Variants in GCNT1 observed in about 807,000 individuals in gnomAD.
GCNT1 encodes glucosaminyl (N-acetyl) transferase 1, also known as beta-1,3-galactosyl-O-glycosyl-glycoprotein beta-1,6-N-acetylglucosaminyltransferase.
A neutral mutation model predicts 26.2 loss-of-function variants in GCNT1; 16 were observed. The observed-to-expected ratio is 0.61, with a 90% confidence interval of 0.41 to 0.93. The LOEUF is 0.93. Ranked by LOEUF, GCNT1 falls within the 40% of genes least tolerant of loss-of-function variation. The pLI is 0.00. For missense variants in GCNT1, 477 were observed against 526.7 expected (o/e 0.91, Z 0.92); for synonymous variants, 183 against 190.8 (o/e 0.96, Z 0.34).
chr9:76,471,609 G>T (rs762169592), intron 2 of GCNT1, among the ~76,000 whole-genome samples: 43 of 152,066 alleles, frequency 2.8e-4, no homozygotes, highest in Non-Finnish European at 4.9e-4. Flanking sequence ...AAGAGGCATG[G>T]CTATAAAAAT....
intron 2 of GCNT1, among the ~76,000 whole-genome samples, chr9:76,462,798 T>C (rs1297203818): frequency 1.3e-5 from 2 of 152,212 alleles, no homozygotes; most frequent in African/African-American, 2.4e-5. Context: ...CAATGTGTCC[T>C]GCCAGTTTCT....
chr9:76,481,439 TTGTTAG>T (rs1275723279), intron 2 of GCNT1, among the ~76,000 whole-genome samples: 16 of 151,716 alleles, frequency 1.1e-4, no homozygotes, highest in East Asian at 9.7e-4. Context: ...TCATCAGCTA[TTGTTAG>T]TGTTAGTGAA....
chr9:76,474,842 C>T (rs919551617), intron 2 of GCNT1, among the ~76,000 whole-genome samples: 5 of 152,322 alleles, frequency 3.3e-5, no homozygotes, highest in Middle Eastern at 3.4e-3. Flanking sequence ...GAATAAACAT[C>T]CCCTCTCCAA....
At chr9:76,432,708 G>A (rs1823353600) in intron 1 of GCNT1, among the ~76,000 whole-genome samples, 3 of 152,112 alleles carry the variant, frequency 2.0e-5, no homozygotes, top group African/African-American at 7.2e-5. Flanking sequence ...CAGATGGGGT[G>A]GATCCCTGGT....
At chr9:76,404,829 T>TC in the GCNT1 span, among the ~76,000 whole-genome samples, 1 of 152,110 alleles carries the variant, frequency 6.6e-6, no homozygotes, top group Non-Finnish European at 1.5e-5. Context: ...CATCTTTTTT[T>TC]TTTTTTTAAA....
At chr9:76,450,485 C>T (rs1465178498) in intron 1 of GCNT1, among the ~76,000 whole-genome samples, 1 of 152,116 alleles carries the variant, frequency 6.6e-6, no homozygotes, top group South Asian at 2.1e-4. Context: ...TCCATGTTGT[C>T]CAAATGCCTT....
At chr9:76,395,263 AAAG>A in the GCNT1 span, among the ~76,000 whole-genome samples, 2 of 150,904 alleles carry the variant, frequency 1.3e-5, no homozygotes, top group African/African-American at 2.5e-5. Flanking sequence ...TCTCGAAGAC[AAAG>A]AAGTTTTTTA....
At chr9:76,475,699 G>A (rs1454000266) in intron 2 of GCNT1, among the ~76,000 whole-genome samples, 3 of 152,136 alleles carry the variant, frequency 2.0e-5, no homozygotes, top group African/African-American at 7.2e-5. Context: ...GAGAGACGAC[G>A]ATAATTCCTG....
intron 2 of GCNT1, among the ~76,000 whole-genome samples, chr9:76,462,486 A>G (rs1311258755): frequency 6.6e-6 from 1 of 152,212 alleles, no homozygotes; most frequent in Non-Finnish European, 1.5e-5. Flanking sequence ...CAGGATGTTT[A>G]GCAGCATCTC....
At chr9:76,497,057 G>A (rs1030216630) in intron 2 of GCNT1, among the ~76,000 whole-genome samples, 3 of 152,156 alleles carry the variant, frequency 2.0e-5, no homozygotes, top group Non-Finnish European at 2.9e-5. Context: ...CATTTAGAAT[G>A]TTTCTTACTC....
chr9:76,394,006 GC>G, the GCNT1 span: 1 of 1,337,730 alleles, frequency 7.5e-7, no homozygotes, highest in Admixed American at 2.2e-5. Context: ...GAGGCCCCAC[GC>G]CCCGGTCCCA....
At chr9:76,454,386 G>GAAAAAAAAAAAAA (rs71372084), upstream of GCNT1, among the ~76,000 whole-genome samples, 4 of 39,620 alleles carry the variant, frequency 1.0e-4, no homozygotes, top group Admixed American at 3.7e-4. Context: ...TCTCAGAAAA[G>GAAAAAAAAAAAAA]AAAAAAAAAA....
intron 1 of GCNT1, among the ~76,000 whole-genome samples, chr9:76,421,366 A>G (rs1014041227): frequency 1.1e-4 from 17 of 152,030 alleles, no homozygotes; most frequent in African/African-American, 3.4e-4. Context: ...TTCGGAGGCC[A>G]AGTCGGGCAG....
chr9:76,446,805 G>A (rs975257469), intron 1 of GCNT1, among the ~76,000 whole-genome samples: 12 of 152,038 alleles, frequency 7.9e-5, no homozygotes, highest in Non-Finnish European at 1.6e-4. Flanking sequence ...AACATATATG[G>A]GCCAAGCATA....
At chr9:76,461,057 G>A (rs564027267) in intron 2 of GCNT1, among the ~76,000 whole-genome samples, 1 of 152,198 alleles carries the variant, frequency 6.6e-6, no homozygotes, top group African/African-American at 2.4e-5. Context: ...TATCCACATG[G>A]ACTAAACAGG....
chr9:76,413,267 A>G, the GCNT1 span, among the ~76,000 whole-genome samples: 2 of 152,214 alleles, frequency 1.3e-5, no homozygotes, highest in African/African-American at 4.8e-5. Flanking sequence ...CAAGAGCCAT[A>G]AGGATATCTG....
intron 2 of GCNT1, among the ~76,000 whole-genome samples, chr9:76,492,648 C>T (rs1824776917): frequency 6.7e-6 from 1 of 150,034 alleles, no homozygotes; most frequent in Admixed American, 6.7e-5. Flanking sequence ...TTTGTGCCTT[C>T]CAGTGATTTC....
intron 2 of GCNT1, among the ~76,000 whole-genome samples, chr9:76,497,147 G>C (rs949720819): frequency 1.3e-5 from 2 of 152,176 alleles, no homozygotes; most frequent in Non-Finnish European, 2.9e-5. Flanking sequence ...TAAAGGTGAA[G>C]GAACATTGGG....
rs900300718 is a variant in GCNT1 at position 76,502,564 on chromosome 9, A to C, written c.183A>C (p.Lys61Asn). 1.2e-6 allele frequency: 2 copies of C among 1,613,926 alleles called. No individual in the cohort carries two copies. The highest frequency in any genetic ancestry group is 1.7e-6 in the Non-Finnish European group (2 of 1,179,934). The part of the protein sequence containing the change: ...ENPSSDINCT[K>N]VLQGDVNEIQ... The stretch of plus-strand genomic sequence containing the variant: ...CTAGTAGTGATATTAATTGCACCAA[A>C]GTTTTACAGGGTGATGTAAATGAAA... The change falls in exon 4 of 4, where the codon AAA becomes AAC. Residue 61 changes from lysine to asparagine, a missense_variant. By Grantham distance (94) the Lys-to-Asn change is moderately conservative. Coordinates refer to ENST00000376730, the MANE Select transcript of GCNT1 (RefSeq NM_001490.5).
Sources: gnomAD v4.1 joint callset for allele counts (sites outside exome capture counted in the v4.1 genomes callset) on GRCh38, gnomAD v4.1.1 for gene constraint, MANE v1.5 for transcripts, NCBI Gene and HGNC (gene_info 2026-07-23, HGNC 2026-07-21) for gene names.